ZNF829: variants seen among roughly 807,000 people sequenced by gnomAD.
The protein encoded by ZNF829 is zinc finger protein 829.
ZNF829 carries 25 observed loss-of-function variants against 35.2 expected under a neutral mutation model. The observed-to-expected ratio is 0.71, with a 90% CI of 0.52 to 0.99. The LOEUF is 0.99. Ranked by LOEUF, ZNF829 falls within the 50% of genes least tolerant of loss-of-function variation. The pLI, the probability that ZNF829 is intolerant of heterozygous loss-of-function variation, is 0.00. For synonymous variants in ZNF829, 136 were observed against 163.2 expected, an observed-to-expected ratio of 0.83 and a Z score of 1.27; for missense variants, 417 against 515.3, an observed-to-expected ratio of 0.81 and a Z score of 1.85.
intron 5 of ZNF829, chr19:36,901,628 G>C (rs2073166638): frequency 4.0e-6 from 1 of 251,986 alleles, no homozygotes; most frequent in African/African-American, 2.3e-5. Context: ...TTTCAGCTTT[G>C]TGGGCTATCC....
At chr19:36,904,262 A>T (rs10414907) in intron 5 of ZNF829, among the ~76,000 whole-genome samples, 26,776 of 152,200 alleles carry the variant, frequency 0.18, 3,170 homozygotes, top group African/African-American at 0.33. Flanking sequence ...TATCACAGAA[A>T]GACAAAACAT....
intron 5 of ZNF829, among the ~76,000 whole-genome samples, chr19:36,901,343 G>A (rs2073163854): frequency 6.6e-6 from 1 of 152,160 alleles, no homozygotes; most frequent in Non-Finnish European, 1.5e-5. Context: ...ACTCATGGTT[G>A]CCTGGGGCTG....
chr19:36,896,306 C>CAAA (rs536542334), intron 5 of ZNF829, among the ~76,000 whole-genome samples: 1,703 of 105,812 alleles, frequency 0.016, 14 homozygotes, highest in African/African-American at 0.028. Context: ...GCAAGACTGT[C>CAAA]AAAAAAAAAA....
intron 3 of ZNF829, among the ~76,000 whole-genome samples, chr19:36,909,416 C>A (rs2073244505): frequency 6.6e-6 from 1 of 152,136 alleles, no homozygotes; most frequent in Admixed American, 6.5e-5. Flanking sequence ...TAGAAAGAAT[C>A]CAGAATCTGG....
chr19:36,902,614 C>T (rs1329525366), intron 5 of ZNF829, among the ~76,000 whole-genome samples: 1 of 147,952 alleles, frequency 6.8e-6, no homozygotes, highest in African/African-American at 2.5e-5. Context: ...CACTGCACTC[C>T]AGCCTGGGCA....
intron 5 of ZNF829, 125 bp downstream of exon 5, chr19:36,907,803 GA>G (rs113535347): frequency 0.088 from 50,291 of 570,980 alleles, 87 homozygotes; most frequent in South Asian, 0.13. Flanking sequence ...AAAAGTATGA[GA>G]AAAAAAAAAA....
chr19:36,902,322 C>T (rs2073174662), intron 5 of ZNF829, among the ~76,000 whole-genome samples: 1 of 152,160 alleles, frequency 6.6e-6, no homozygotes, highest in Non-Finnish European at 1.5e-5. Context: ...TTTATCAGTG[C>T]AAAATGTAAA....
rs1222596917 is a variant in ZNF829, at chr19:36,915,281, C to T, written c.-84-30G>A. ...AGACAGAGTTCTGGAGTCACAATCG[C>T]ATAGTTGACAGGACCCCATACTCAT... is the stretch of plus-strand genomic sequence containing the variant. On this transcript the variant is annotated intron_variant, in intron 1 of 5. Transcript: ENST00000391711. The T allele has an allele frequency of 4.4e-6, 7 of 1,584,174 alleles. No individual in the cohort carries two copies. In the African/African-American group the frequency reaches 6.8e-5, roughly 15 times the overall value.
At chr19:36,910,777 G>C (rs762025573) in intron 3 of ZNF829, among the ~76,000 whole-genome samples, 23 of 152,072 alleles carry the variant, frequency 1.5e-4, no homozygotes, top group Non-Finnish European at 3.1e-4. Context: ...GAAGCCAAGG[G>C]GGGTGGATCA....
intron 5 of ZNF829, chr19:36,892,756 A>T: frequency 2.0e-6 from 1 of 495,248 alleles, no homozygotes; most frequent in Non-Finnish European, 3.4e-6. Context: ...GTTCAGCACC[A>T]TCCTCCATAT....
At position 36,892,221 on chromosome 19, in the gene ZNF829, C is replaced by G. The variant is rs915619581; in HGVS notation, c.570G>C (p.Gly190=). Residue 190 remains glycine (G), a synonymous_variant, in exon 6 of 6, where the codon GGG becomes GGC. Coordinates refer to ENST00000391711, the MANE Select transcript of ZNF829 (RefSeq NM_001037232.4). ...CGAGTGAGCCACGACTAAAGGACTT[C>G]CCATACTCCTTAGATTCATAGTGTT... The part of the protein sequence containing the change: ...GEKHYESKEY[G]KSFSRGSLVT... 6 of 1,613,966 alleles carry G rather than the reference C, an allele frequency of 3.7e-6. No homozygotes were observed. The African/African-American group carries it at 6.7e-5, about 18-fold the overall frequency.
intron 5 of ZNF829, 21 bp downstream of exon 5, chr19:36,907,908 G>A (rs777194446): frequency 5.6e-6 from 9 of 1,597,972 alleles, no homozygotes; most frequent in Non-Finnish European, 6.9e-6. Flanking sequence ...CCCTGCTCCT[G>A]AGCCATCATC....
At chr19:36,894,953 C>T (rs925818145) in intron 5 of ZNF829, among the ~76,000 whole-genome samples, 5 of 152,088 alleles carry the variant, frequency 3.3e-5, no homozygotes, top group Admixed American at 1.3e-4. Flanking sequence ...CTCAATGATG[C>T]CCAAATAGAT....
At chr19:36,892,541 G>C in intron 5 of ZNF829, 70 bp from the exon 6 acceptor site, 8 of 1,428,624 alleles carry the variant, frequency 5.6e-6, no homozygotes, top group Non-Finnish European at 7.5e-6. Context: ...AAAAGAAATG[G>C]GAGAATTAAA....
At chr19:36,912,713 T>C (rs2073274330) in intron 3 of ZNF829, 1 of 152,174 alleles carries the variant, frequency 6.6e-6, no homozygotes, top group Non-Finnish European at 1.5e-5. Context: ...AAATTTATTG[T>C]CCCCCGGGCA....
At chr19:36,902,861 C>A (rs1055431001) in intron 5 of ZNF829, among the ~76,000 whole-genome samples, 7 of 151,960 alleles carry the variant, frequency 4.6e-5, no homozygotes, top group African/African-American at 1.5e-4. Flanking sequence ...CATGGTGAAA[C>A]CCCGTCTCTA....
Position 36,891,185 on chromosome 19 carries a change from G to T in ZNF829, c.*307C>A. 1 of 256,444 alleles carries T rather than the reference G, an allele frequency of 3.9e-6. No homozygotes were observed. The highest frequency in any genetic ancestry group is 7.3e-6 in the Non-Finnish European group (1 of 136,252). 15.9% of individuals were successfully genotyped at this position (256,444 alleles called of 1,614,324 possible). ...TGGAATGGTGTATGTAAAAGCCATGGAATGCCAAGGACTGCCAGCTGTTAA... is the reference window on the plus strand; with the variant it reads ...TGGAATGGTGTATGTAAAAGCCATGTAATGCCAAGGACTGCCAGCTGTTAA... On this transcript the variant is annotated 3_prime_UTR_variant, in exon 6 of 6. Coordinates refer to ENST00000391711, the MANE Select transcript of ZNF829 (RefSeq NM_001037232.4).
At chr19:36,896,349 G>A (rs2073113227) in intron 5 of ZNF829, among the ~76,000 whole-genome samples, 1 of 151,880 alleles carries the variant, frequency 6.6e-6, no homozygotes. Flanking sequence ...TGGGCGTGGT[G>A]GCATGCACCT....
At chr19:36,897,888 G>A (rs890197004) in intron 5 of ZNF829, among the ~76,000 whole-genome samples, 2 of 152,186 alleles carry the variant, frequency 1.3e-5, no homozygotes, top group East Asian at 1.9e-4. Flanking sequence ...TAAGTAGTAC[G>A]CTGGGCACGG....
Sources: allele counts gnomAD v4.1 joint callset (sites outside exome capture counted in the v4.1 genomes callset), GRCh38; gene constraint gnomAD v4.1.1; transcripts MANE v1.5; gene names NCBI Gene and HGNC (gene_info 2026-07-23, HGNC 2026-07-21).